The following RP1L1 variants were observed in gnomAD, a reference collection of about 807,000 sequenced individuals.
RP1L1 encodes RP1 like 1.
Under a neutral mutation model 15.7 loss-of-function variants are expected in RP1L1, and 27 were observed. The observed-to-expected ratio is 1.72, with a 90% CI of 1.27 to 2.38. RP1L1 has a LOEUF of 2.38. RP1L1 is among the 30% of genes most tolerant of loss of function. The pLI, the probability that RP1L1 is intolerant of heterozygous loss-of-function variation, is 0.00. For synonymous variants in RP1L1, 1,813 were observed against 1,276.7 expected, an observed-to-expected ratio of 1.42 and a Z score of -8.96; for missense variants, 4,798 against 3,075.9, an observed-to-expected ratio of 1.56 and a Z score of -13.24.
chr8:10,647,389 G>A (rs972003225), intron 1 of RP1L1, among the ~76,000 whole-genome samples: 4 of 152,124 alleles, frequency 2.6e-5, no homozygotes, highest in Non-Finnish European at 5.9e-5. Flanking sequence ...GTACAGCCCA[G>A]TGGCATCAAG....
chr8:10,609,842 T>A lies in RP1L1; in HGVS notation c.4256A>T (p.Lys1419Ile). The change falls in exon 4 of 4, where the codon AAA (lysine) becomes ATA (isoleucine). Residue 1419 changes from lysine (K) to isoleucine (I), a missense_variant. Physicochemically the swap from Lys to Ile is moderately radical, Grantham distance 102. Transcript: ENST00000382483. ...ELSEASSPDG[K>I]GSQEDDPVQE... Reference sequence around the variant, plus strand: ...GACTGGGTCATCTTCCTGGGAGCCTTTCCCATCCGGAGAGCTGGCCTCTGA... The same window carrying A: ...GACTGGGTCATCTTCCTGGGAGCCTATCCCATCCGGAGAGCTGGCCTCTGA... The A allele has an allele frequency of 6.2e-7, 1 of 1,614,084 alleles. No individual in the cohort carries two copies. Among genetic ancestry groups the A allele is most frequent in the Non-Finnish European group, 8.5e-7 (1 of 1,180,014 alleles).
Position 10,606,779 on chromosome 8 carries a change from C to T in RP1L1, c.*116G>A. On this transcript the variant is annotated 3_prime_UTR_variant, in exon 4 of 4. Transcript: ENST00000382483. ...GCTGTGTCCTTGGCAAGTCCTTGGT[C>T]TTTGTCCATGTACTATGGACATCTC... 6.5e-7 allele frequency: 1 copy of T among 1,547,658 alleles called. No individual in the cohort carries two copies. The highest frequency in any genetic ancestry group is 8.7e-7 in the Non-Finnish European group (1 of 1,150,586).
At position 10,608,783 on chromosome 8, in the gene RP1L1, C is replaced by T; in HGVS notation, c.5315G>A (p.Arg1772Lys). ...EAEGDAMAQE[R>K]EGKTHNSETS... is the part of the protein sequence containing the mutation. ...TTCACTGTTGTGGGTTTTCCCTTCT[C>T]TCTCCTGAGCCATTGCATCTCCCTC... The change falls in exon 4 of 4, where the codon AGA becomes AAA. Residue 1772 changes from arginine (R) to lysine (K), a missense_variant. Coordinates refer to ENST00000382483, the MANE Select transcript of RP1L1 (RefSeq NM_178857.6). The T allele has an allele frequency of 6.2e-7, 1 of 1,614,220 alleles. No homozygotes were observed.
Position 10,612,868 on chromosome 8 carries a change from A to G in RP1L1, c.1230T>C (p.Asn410=), listed in dbSNP as rs202009568. ...TCTCTCCCTGGGAGGCATGCAGGGG[A>G]TTCGTCCAGATTTCATACTTGGGCC... ...QPGPKYEIWT[N]PLHASQGERV... is the part of the protein sequence containing the mutation. Residue 410 remains asparagine, a synonymous_variant, in exon 4 of 4, where the codon AAT becomes AAC. Coordinates refer to ENST00000382483, the MANE Select transcript of RP1L1 (RefSeq NM_178857.6). The G allele has an allele frequency of 6.8e-6, 11 of 1,612,646 alleles. No homozygotes were observed. In the Admixed American group the frequency reaches 1.7e-4, roughly 24 times the overall value.
At chr8:10,625,230 C>T (rs4292650) in intron 1 of RP1L1, among the ~76,000 whole-genome samples, 2 of 151,944 alleles carry the variant, frequency 1.3e-5, no homozygotes, top group Non-Finnish European at 2.9e-5. Context: ...CGCCAGGCCG[C>T]GCCCAGAGAG....
In RP1L1 at chr8:10,607,700, T is replaced by G. The variant is rs761699643; in HGVS notation, c.6398A>C (p.Glu2133Ala). The G allele has an allele frequency of 6.8e-6, 11 of 1,606,354 alleles. No homozygotes were observed. The South Asian group carries it at 1.2e-4, about 18-fold the overall frequency. The change falls in exon 4 of 4, where the codon GAG (glutamate) becomes GCG (alanine). Residue 2133 changes from glutamate (E) to alanine (A), a missense_variant. Physicochemically the swap from Glu to Ala is moderately radical, Grantham distance 107 (BLOSUM62 -1). Coordinates refer to ENST00000382483, the MANE Select transcript of RP1L1 (RefSeq NM_178857.6). ...GEAQPESEGIEAPEAEGEAQP... is the reference protein window; with the variant it reads ...GEAQPESEGIAAPEAEGEAQP... The stretch of plus-strand genomic sequence containing the variant: ...GGCCTCCCCTTCAGCCTCTGGGGCC[T>G]CTATACCTTCTGACTCTGGCTGGGC...
chr8:10,649,231 C>A (rs1798524100), intron 1 of RP1L1, among the ~76,000 whole-genome samples: 3 of 152,228 alleles, frequency 2.0e-5, no homozygotes, highest in Non-Finnish European at 4.4e-5. Flanking sequence ...TCAAGTCCTT[C>A]TTCATTCTCC....
chr8:10,617,254 A>T (rs1352811265), intron 2 of RP1L1, among the ~76,000 whole-genome samples: 1 of 152,086 alleles, frequency 6.6e-6, no homozygotes, highest in East Asian at 1.9e-4. Flanking sequence ...CTGGACCGAG[A>T]AGCCCCTGCA....
At chr8:10,627,813 C>G (rs542473523) in intron 1 of RP1L1, among the ~76,000 whole-genome samples, 69 of 152,142 alleles carry the variant, frequency 4.5e-4, no homozygotes, top group Non-Finnish European at 9.3e-4. Context: ...TCTGGCGCCC[C>G]AGGTTCTGGG....
intron 1 of RP1L1, among the ~76,000 whole-genome samples, chr8:10,636,219 G>C (rs1189103307): frequency 6.6e-6 from 1 of 152,182 alleles, no homozygotes; most frequent in East Asian, 1.9e-4. Context: ...AGAGTTCCAG[G>C]ACACCCAATA....
rs1327254117 is a variant in RP1L1 at position 10,609,195 on chromosome 8, C to T, written c.4903G>A (p.Asp1635Asn). Residue 1635 changes from aspartate (D) to asparagine (N), a missense_variant, in exon 4 of 4, where the codon GAC (aspartate) becomes AAC (asparagine). Transcript: ENST00000382483. ...AGGGCTGTGCTGAGGGCTGGCTCGT[C>T]CTCCAGGGTGAAGGAGAGGGGCCCC... ...GLGPLSFTLE[D>N]EPALSTALGS... 3.7e-6 allele frequency: 6 copies of T among 1,611,588 alleles called. No individual in the cohort carries two copies. The highest frequency in any genetic ancestry group is 5.1e-6 in the Non-Finnish European group (6 of 1,180,000).
At chr8:10,631,990 G>T (rs1010399354) in intron 1 of RP1L1, among the ~76,000 whole-genome samples, 2 of 152,226 alleles carry the variant, frequency 1.3e-5, no homozygotes, top group African/African-American at 4.8e-5. Flanking sequence ...TCATTTCCTT[G>T]AGAATGTTTT....
intron 1 of RP1L1, among the ~76,000 whole-genome samples, chr8:10,630,224 G>GT (rs1798220703): frequency 6.6e-6 from 1 of 152,214 alleles, no homozygotes; most frequent in Admixed American, 6.5e-5. Context: ...GCCATCTTCA[G>GT]TCCCTGACCT....
At chr8:10,626,175 G>C (rs1357060136) in intron 1 of RP1L1, among the ~76,000 whole-genome samples, 7 of 152,054 alleles carry the variant, frequency 4.6e-5, no homozygotes, top group Admixed American at 3.3e-4. Context: ...GGCTAGGCTG[G>C]GTAGGGGGCT....
chr8:10,629,518 C>G (rs1798208906), intron 1 of RP1L1, among the ~76,000 whole-genome samples: 1 of 152,194 alleles, frequency 6.6e-6, no homozygotes, highest in South Asian at 2.1e-4. Context: ...TGAGGCAGAT[C>G]TCAGCTCAAC....
intron 1 of RP1L1, among the ~76,000 whole-genome samples, chr8:10,637,565 G>C (rs1194335680): frequency 1.3e-5 from 2 of 152,172 alleles, no homozygotes; most frequent in African/African-American, 4.8e-5. Context: ...GGGCAACAGA[G>C]TGAGACCCCA....
chr8:10,629,671 C>A (rs1196198445), intron 1 of RP1L1, among the ~76,000 whole-genome samples: 1 of 152,160 alleles, frequency 6.6e-6, no homozygotes, highest in Non-Finnish European at 1.5e-5. Context: ...GGTTTATTTT[C>A]TTCTCACATA....
chr8:10,613,637 T>C (rs945645361), intron 3 of RP1L1, among the ~76,000 whole-genome samples: 1 of 139,932 alleles, frequency 7.1e-6, no homozygotes, highest in African/African-American at 2.7e-5. Context: ...AAAGAAATAA[T>C]TACCTAAGCA....
chr8:10,609,114 AG>A lies in RP1L1; in HGVS notation c.4983del (p.Cys1662AlafsTer2). 6.2e-7 allele frequency: 1 copy of A among 1,613,254 alleles called. No individual in the cohort carries two copies. The highest frequency in any genetic ancestry group is 8.5e-7 in the Non-Finnish European group (1 of 1,179,448). ...ATAGGGCTCACTTTCTTCCTCACGC[AG>A]GCCTCGCAGGGACAGAACTCCTCCC... ...AEGEEFCPCEACVRKKVSPMS... is the reference protein window; with the variant it reads ...AEGEEFCPCEXCVRKKVSPMS... On this transcript the variant is annotated frameshift_variant, in exon 4 of 4. Coordinates refer to ENST00000382483, the MANE Select transcript of RP1L1 (RefSeq NM_178857.6). LOFTEE classifies it low-confidence loss of function (END_TRUNC).
Sources: gnomAD v4.1 joint callset for allele counts (sites outside exome capture counted in the v4.1 genomes callset) on GRCh38, gnomAD v4.1.1 for gene constraint, MANE v1.5 for transcripts, NCBI Gene and HGNC (gene_info 2026-07-23, HGNC 2026-07-21) for gene names.